The following APBA2 variants were observed in gnomAD, a reference collection of about 807,000 sequenced individuals.
The protein encoded by APBA2 is amyloid-beta A4 precursor protein-binding family A member 2.
In APBA2, 30 loss-of-function variants were observed where a neutral mutation model predicts 75.0. That is an observed-to-expected ratio of 0.40 (90% CI 0.30 to 0.54). The LOEUF is 0.54. Ranked by LOEUF, APBA2 falls within the 20% of genes least tolerant of loss-of-function variation. The pLI is 0.49. For synonymous variants in APBA2, 444 were observed against 409.6 expected, an observed-to-expected ratio of 1.08 and a Z score of -1.01; for missense variants, 801 against 1,016.1, an observed-to-expected ratio of 0.79 and a Z score of 2.88.
chr15:29,085,001 A>G (rs1272496718), intron 6 of APBA2, among the ~76,000 whole-genome samples: 1 of 152,128 alleles, frequency 6.6e-6, no homozygotes, highest in African/African-American at 2.4e-5. Context: ...ATATCTGGTC[A>G]TCTCTTTTTT....
At chr15:29,083,592 G>T (rs538815269) in intron 6 of APBA2, among the ~76,000 whole-genome samples, 2 of 152,214 alleles carry the variant, frequency 1.3e-5, no homozygotes, top group African/African-American at 2.4e-5. Flanking sequence ...GTGCAATGGC[G>T]CAATCTTGGC....
chr15:29,059,215 A>ATGTGTG (rs146068016), intron 4 of APBA2, among the ~76,000 whole-genome samples: 6 of 149,776 alleles, frequency 4.0e-5, no homozygotes, highest in Admixed American at 1.3e-4. Context: ...TTTTGTTGAT[A>ATGTGTG]TGTGTGTGTG....
At chr15:29,067,536 C>G (rs75411294) in intron 4 of APBA2, among the ~76,000 whole-genome samples, 2 of 152,078 alleles carry the variant, frequency 1.3e-5, no homozygotes, top group East Asian at 3.9e-4. Context: ...GGGTCATGAT[C>G]CCGCCTTGGC....
In APBA2 at chr15:28,918,468, A is replaced by G. The variant is rs561421600; in HGVS notation, c.-204-3172A>G. 5.3e-5 allele frequency among the ~76,000 whole-genome samples: 8 copies of G among 152,226 alleles called. No individual in the cohort carries two copies. In the East Asian group the frequency reaches 1.6e-3, roughly 30 times the overall value. ...AGGAAGCAGGACTCCCAGGTGGGAG[A>G]GGTGAAGCAGATGGCTTCCCCCACT... On this transcript the variant is annotated intron_variant, in intron 1 of 14. Transcript: ENST00000683413. This position sits in a 1 kb window ranked among gnomAD's most constrained non-coding sequence, Gnocchi z 4.2.
intron 3 of APBA2, among the ~76,000 whole-genome samples, chr15:29,029,724 T>C (rs554178148): frequency 1.3e-5 from 2 of 152,166 alleles, no homozygotes; most frequent in South Asian, 4.2e-4. Flanking sequence ...AAGGACCAGC[T>C]TGTTAGGGAA....
chr15:28,926,622 C>CT (rs2034275287), intron 2 of APBA2, among the ~76,000 whole-genome samples: 1 of 152,002 alleles, frequency 6.6e-6, no homozygotes, highest in Non-Finnish European at 1.5e-5. Flanking sequence ...TTGAATACCT[C>CT]TTTTTTATGT....
At chr15:28,912,722 C>G (rs1274736765) in intron 1 of APBA2, among the ~76,000 whole-genome samples, 1 of 152,252 alleles carries the variant, frequency 6.6e-6, no homozygotes, top group African/African-American at 2.4e-5. Flanking sequence ...TGTTATTGAG[C>G]AATCCTCCAG....
At position 29,108,734 on chromosome 15, in the gene APBA2, TCAA is replaced by T. The variant is rs1334127840; in HGVS notation, c.2037+349_2037+351del. On this transcript the variant is annotated intron_variant, in intron 13 of 14. Transcript: ENST00000683413. The stretch of plus-strand genomic sequence containing the variant: ...CCAATTGTGGCATCACTTACTGTGC[TCAA>T]CAAACAGACGTTCACTCATTCATTC... 13 of 445,068 alleles carry T rather than the reference TCAA, an allele frequency of 2.9e-5. No individual in the cohort carries two copies. In the East Asian group the frequency reaches 5.8e-4, roughly 20 times the overall value. The allele number at this position is 445,068 out of a possible 1,614,324, so 27.6% of individuals were successfully genotyped here.
At chr15:28,941,894 C>T (rs1244173985) in intron 2 of APBA2, among the ~76,000 whole-genome samples, 4 of 152,124 alleles carry the variant, frequency 2.6e-5, no homozygotes, top group Non-Finnish European at 2.9e-5. Context: ...GTAGCTGGGA[C>T]TACAGGTGCC....
chr15:29,004,983 G>C (rs537797839), intron 3 of APBA2, among the ~76,000 whole-genome samples: 1 of 151,956 alleles, frequency 6.6e-6, no homozygotes, highest in South Asian at 2.1e-4. Context: ...CCCGGCCAGG[G>C]ACCTTGTTTA....
intron 5 of APBA2, among the ~76,000 whole-genome samples, 155 bp downstream of exon 5, chr15:29,075,156 C>T (rs2042795705): frequency 6.6e-6 from 1 of 151,938 alleles, no homozygotes; most frequent in Non-Finnish European, 1.5e-5. Context: ...GTTGGTGTCA[C>T]CATATGGTGA....
intron 2 of APBA2, among the ~76,000 whole-genome samples, chr15:28,966,730 T>G (rs2036759265): frequency 6.6e-6 from 1 of 152,226 alleles, no homozygotes; most frequent in Admixed American, 6.5e-5. Context: ...TTTCCTTCTC[T>G]TTCTCATTCC....
At chr15:29,089,604 G>A (rs2043458097) in intron 6 of APBA2, among the ~76,000 whole-genome samples, 1 of 152,100 alleles carries the variant, frequency 6.6e-6, no homozygotes, top group African/African-American at 2.4e-5. Context: ...TTCTTCAAAG[G>A]TGGCAGGAGT....
chr15:28,901,194 G>A (rs1228532213), intron 1 of APBA2, among the ~76,000 whole-genome samples: 2 of 152,170 alleles, frequency 1.3e-5, no homozygotes, highest in Non-Finnish European at 2.9e-5. Context: ...GGCTCTGTCC[G>A]GTGCTTGGGG....
At chr15:29,107,364 G>A (rs2044477689) in intron 12 of APBA2, among the ~76,000 whole-genome samples, 1 of 152,142 alleles carries the variant, frequency 6.6e-6, no homozygotes, top group African/African-American at 2.4e-5. Flanking sequence ...AGCTAGGGTG[G>A]GGGCCTTCAC....
intron 4 of APBA2, among the ~76,000 whole-genome samples, chr15:29,056,855 G>A (rs2041923330): frequency 6.6e-6 from 1 of 151,798 alleles, no homozygotes; most frequent in Non-Finnish European, 1.5e-5. Flanking sequence ...TTCCAGATGA[G>A]GACCTCTTTG....
chr15:28,953,617 A>G, intron 2 of APBA2, among the ~76,000 whole-genome samples: 1 of 152,036 alleles, frequency 6.6e-6, no homozygotes, highest in East Asian at 1.9e-4. Flanking sequence ...TAAGACTCCA[A>G]GTCTCCAGAT....
intron 6 of APBA2, among the ~76,000 whole-genome samples, chr15:29,087,267 A>ATT (rs2043330226): frequency 1.4e-5 from 2 of 142,930 alleles, no homozygotes; most frequent in Admixed American, 6.7e-5. Context: ...TTTTTTTTAA[A>ATT]AAAAATTATT....
At position 29,054,266 on chromosome 15, in the gene APBA2, C is replaced by G. The variant is rs2041763223; in HGVS notation, c.382C>G (p.Pro128Ala). Residue 128 changes from proline to alanine, a missense_variant, in exon 4 of 15, where the codon CCT (proline) becomes GCT (alanine). Around this residue, in one of 2 missense-constraint regions of APBA2, gnomAD observed 434 missense variants for 471.6 expected, o/e 0.92. Transcript: ENST00000683413. The surrounding 1 kb of genome is among the most constrained non-coding windows in gnomAD (Gnocchi z 6.1). ...GEEYLAHSAH[P>A]VDTDECQEAV... The stretch of plus-strand genomic sequence containing the variant: ...GGAGTACCTGGCCCACAGTGCACAC[C>G]CTGTGGACACTGATGAGTGCCAGGA... 1 of 1,614,138 alleles carries G rather than the reference C, an allele frequency of 6.2e-7. No individual in the cohort carries two copies. The highest frequency in any genetic ancestry group is 8.5e-7 in the Non-Finnish European group (1 of 1,180,022).
Sources: allele counts gnomAD v4.1 joint callset (sites outside exome capture counted in the v4.1 genomes callset), GRCh38; gene constraint gnomAD v4.1.1; regional missense constraint gnomAD v4.1.1; non-coding constraint Gnocchi (gnomAD v3.1); transcripts MANE v1.5; gene names NCBI Gene and HGNC (gene_info 2026-07-23, HGNC 2026-07-21).